The following TCEA3 variants were observed in gnomAD, a reference collection of about 807,000 sequenced individuals.
The protein encoded by TCEA3 is transcription elongation factor A protein 3.
In TCEA3, 36 loss-of-function variants were observed where a neutral mutation model predicts 44.0. The observed-to-expected ratio is 0.82, with a 90% CI of 0.63 to 1.08. The LOEUF (loss-of-function observed/expected upper bound fraction) is 1.08. TCEA3 is among the 50% of genes least tolerant of loss of function. The probability of loss-of-function intolerance (pLI) is 0.00; values close to 1 mark genes in which losing one functional copy is unlikely to be tolerated. For synonymous variants in TCEA3, 162 were observed against 159.7 expected (o/e 1.01, Z -0.11); for missense variants, 392 against 441.2 (o/e 0.89, Z 1.00).
At chr1:23,407,863 G>C (rs1051879664) in intron 5 of TCEA3, among the ~76,000 whole-genome samples, 1 of 152,016 alleles carries the variant, frequency 6.6e-6, no homozygotes, top group Non-Finnish European at 1.5e-5. Flanking sequence ...GCTAATTTTG[G>C]GTAGACATCC....
chr1:23,381,508 G>C, intron 10 of TCEA3, 34 bp from the exon 11 acceptor site: 1 of 780,804 alleles, frequency 1.3e-6, no homozygotes, highest in Non-Finnish European at 2.4e-6. Context: ...AATTTGAAAG[G>C]TTTCTCGGCA....
chr1:23,417,382 CA>C lies in TCEA3; in HGVS notation c.246del (p.Gly83AspfsTer84), dbSNP rs1482405617. ...IKNWKRLLDS[P>X]GPPKGEKGEE... ...TCTCCTTTTTCTCCTTTTGGGGGTC[CA>C]GGGGAGTCTGAAAACAAAAGGGTGG... On this transcript the variant is annotated frameshift_variant, in exon 4 of 11. Transcript: ENST00000450454. LOFTEE classifies it high-confidence loss of function. 1 of 1,612,766 alleles carries C rather than the reference CA, an allele frequency of 6.2e-7. No individual in the cohort carries two copies. Among genetic ancestry groups the C allele is most frequent in the African/African-American group, 1.3e-5 (1 of 74,712 alleles).
intron 6 of TCEA3, 93 bp from the exon 7 acceptor site, chr1:23,397,694 C>T: frequency 6.2e-7 from 1 of 1,606,096 alleles, no homozygotes; most frequent in South Asian, 1.1e-5. Context: ...CCTGTACCAT[C>T]CCTTGGGGTG....
chr1:23,393,934 C>T lies in TCEA3; in HGVS notation c.764G>A (p.Arg255Gln), dbSNP rs1163815339. ...LKDPRNPGLR[R>Q]NVLSGAISAG... ...GGAGATGGCCCCACTGAGCACGTTC[C>T]GCCGCAGGCCGGGGTTCCTGGGGTC... The change falls in exon 8 of 11, where the codon CGG becomes CAG. Residue 255 changes from arginine to glutamine, a missense_variant. Physicochemically the swap from Arg to Gln is conservative, Grantham distance 43 (BLOSUM62 1). Transcript: ENST00000450454. 5.6e-6 allele frequency: 9 copies of T among 1,613,828 alleles called. No individual in the cohort carries two copies. Among genetic ancestry groups the T allele is most frequent in the East Asian group, 2.2e-5 (1 of 44,900 alleles).
intron 8 of TCEA3, among the ~76,000 whole-genome samples, 177 bp downstream of exon 8, chr1:23,393,702 C>T (rs953949902): frequency 6.6e-6 from 1 of 152,210 alleles, no homozygotes; most frequent in South Asian, 2.1e-4. Flanking sequence ...CACTTAGAAC[C>T]TATTAGCTGT....
At chr1:23,412,581 G>T (rs1370469568) in intron 4 of TCEA3, among the ~76,000 whole-genome samples, 1 of 151,644 alleles carries the variant, frequency 6.6e-6, no homozygotes. Context: ...GGAGGCACAT[G>T]CCTGTAATCC....
At chr1:23,394,741 T>TG (rs1466547735) in intron 7 of TCEA3, among the ~76,000 whole-genome samples, 1 of 152,244 alleles carries the variant, frequency 6.6e-6, no homozygotes, top group African/African-American at 2.4e-5. Context: ...ATGAGGAAGC[T>TG]GGGGCTTAGA....
intron 4 of TCEA3, among the ~76,000 whole-genome samples, chr1:23,413,584 CT>C (rs1456747789): frequency 3.9e-5 from 6 of 152,264 alleles, no homozygotes; most frequent in African/African-American, 1.4e-4. Context: ...CAGGTACCCA[CT>C]ACCATGCCCA....
chr1:23,414,988 C>G (rs1238488260), intron 4 of TCEA3, among the ~76,000 whole-genome samples: 6 of 148,046 alleles, frequency 4.1e-5, no homozygotes, highest in African/African-American at 7.4e-5. Flanking sequence ...CTCATACAGG[C>G]CTTTAAAAGA....
intron 1 of TCEA3, among the ~76,000 whole-genome samples, chr1:23,421,787 G>C (rs1180597615): frequency 6.6e-6 from 1 of 152,200 alleles, no homozygotes; most frequent in African/African-American, 2.4e-5. Context: ...ATTGTAAGCA[G>C]ATAATGTAGT....
chr1:23,398,039 GATCTCCTATA>G, intron 5 of TCEA3, 84 bp from the exon 6 acceptor site: 1 of 1,494,940 alleles, frequency 6.7e-7, no homozygotes, highest in South Asian at 1.2e-5. Flanking sequence ...CTTGATGGAT[GATCTCCTATA>G]ATCCTCATAA....
At chr1:23,397,487 T>TG in intron 7 of TCEA3, 58 bp downstream of exon 7, 1 of 1,542,488 alleles carries the variant, frequency 6.5e-7, no homozygotes, top group Non-Finnish European at 8.9e-7. Flanking sequence ...GCTTGCACCT[T>TG]GGATGGGTGC....
chr1:23,397,138 G>A (rs775769091), intron 7 of TCEA3, among the ~76,000 whole-genome samples: 4 of 152,026 alleles, frequency 2.6e-5, no homozygotes, highest in African/African-American at 4.8e-5. Flanking sequence ...ACTGAGGCAC[G>A]CTATTACACA....
chr1:23,390,053 G>A (rs1558025987), intron 8 of TCEA3, among the ~76,000 whole-genome samples: 1 of 152,218 alleles, frequency 6.6e-6, no homozygotes, highest in South Asian at 2.1e-4. Context: ...TAAGGTGCAG[G>A]GGAAAGCAAC....
chr1:23,398,531 C>T (rs1426622727), intron 5 of TCEA3, among the ~76,000 whole-genome samples: 2 of 152,172 alleles, frequency 1.3e-5, no homozygotes, highest in African/African-American at 2.4e-5. Context: ...GACTATCTAC[C>T]ACCATTTAAA....
At chr1:23,409,955 C>G (rs1271685390) in intron 4 of TCEA3, among the ~76,000 whole-genome samples, 1 of 152,090 alleles carries the variant, frequency 6.6e-6, no homozygotes, top group Non-Finnish European at 1.5e-5. Context: ...ATTGTCTGTG[C>G]TCAGCCCAGT....
intron 1 of TCEA3, among the ~76,000 whole-genome samples, chr1:23,421,527 T>C (rs939941081): frequency 1.3e-5 from 2 of 151,226 alleles, no homozygotes; most frequent in African/African-American, 4.9e-5. Context: ...TGACCTGTAG[T>C]GTTTGCCAAT....
At chr1:23,385,393 C>T (rs1638804478) in intron 9 of TCEA3, among the ~76,000 whole-genome samples, 1 of 152,216 alleles carries the variant, frequency 6.6e-6, no homozygotes, top group Non-Finnish European at 1.5e-5. Context: ...AGAGAGAAAA[C>T]TTTGCTAGTG....
intron 4 of TCEA3, among the ~76,000 whole-genome samples, chr1:23,413,331 G>C (rs1294554275): frequency 2.6e-5 from 4 of 151,486 alleles, no homozygotes. Flanking sequence ...TAGAGATAGG[G>C]TTTCGCCATT....
Sources: gnomAD v4.1 joint callset for allele counts (sites outside exome capture counted in the v4.1 genomes callset) on GRCh38, gnomAD v4.1.1 for gene constraint, MANE v1.5 for transcripts, NCBI Gene and HGNC (gene_info 2026-07-23, HGNC 2026-07-21) for gene names.